The following DEFB134 variants were observed in gnomAD, a reference collection of about 807,000 sequenced individuals.
DEFB134 encodes the protein defensin beta 134.
In DEFB134, 7 loss-of-function variants were observed where a neutral mutation model predicts 7.4. That is an observed-to-expected ratio of 0.95 (90% CI 0.54 to 1.79). DEFB134 has a LOEUF of 1.79. DEFB134 is among the 40% of genes most tolerant of loss of function. The probability of loss-of-function intolerance (pLI) is 0.00; values close to 1 mark genes in which losing one functional copy is unlikely to be tolerated. For missense variants in DEFB134, 105 were observed against 74.8 expected, an observed-to-expected ratio of 1.40 and a Z score of -1.49; for synonymous variants, 33 against 25.0, an observed-to-expected ratio of 1.32 and a Z score of -0.96.
At chr8:11,996,140 G>A in intron 1 of DEFB134, 54 bp downstream of exon 2, 2 of 1,598,006 alleles carry the variant, frequency 1.3e-6, no homozygotes. Flanking sequence ...GTTGTTTAGT[G>A]GCATTGTTCT....
chr8:11,994,771 G>A (rs1800072935), intron 1 of DEFB134, among the ~76,000 whole-genome samples: 1 of 152,062 alleles, frequency 6.6e-6, no homozygotes, highest in Non-Finnish European at 1.5e-5. Flanking sequence ...GTGAATCAAG[G>A]ACTGTTGGGG....
exon 2 of DEFB134, chr8:11,993,259 C>T (rs1479244619): frequency 6.6e-6 from 1 of 152,218 alleles, no homozygotes; most frequent in Admixed American, 6.5e-5. Flanking sequence ...AACACCCATC[C>T]AGAGGAGTCA....
chr8:11,995,256 A>T (rs886790401), intron 1 of DEFB134, among the ~76,000 whole-genome samples: 2 of 152,212 alleles, frequency 1.3e-5, no homozygotes, highest in Non-Finnish European at 2.9e-5. Flanking sequence ...CCACAAATCC[A>T]TTGCCATAAA....
upstream of DEFB134, chr8:11,999,207 G>A (rs79366854): frequency 3.5e-4 from 71 of 203,446 alleles, no homozygotes; most frequent in Admixed American, 7.1e-4. Context: ...CAGTGAGGGC[G>A]TGGGTTCATG....
chr8:11,998,747 CA>C (rs1244431835), upstream of DEFB134, among the ~76,000 whole-genome samples: 4 of 151,868 alleles, frequency 2.6e-5, no homozygotes, highest in Non-Finnish European at 5.9e-5. Flanking sequence ...TTAATGAAAC[CA>C]AAAGTTGGCT....
intron 1 of DEFB134, 31 bp downstream of exon 2, chr8:11,996,163 A>T (rs1482375386): frequency 4.3e-6 from 7 of 1,612,408 alleles, no homozygotes; most frequent in Non-Finnish European, 5.9e-6. Flanking sequence ...TATATGAAGC[A>T]CCCCTACCCC....
At chr8:11,999,699 G>A (rs889150471), upstream of DEFB134, among the ~76,000 whole-genome samples, 6 of 152,174 alleles carry the variant, frequency 3.9e-5, no homozygotes, top group East Asian at 1.9e-4. Context: ...GTCAGAGATC[G>A]TCTCTTGTTA....
At chr8:11,994,394 T>C (rs940871513) in intron 1 of DEFB134, among the ~76,000 whole-genome samples, 1 of 152,160 alleles carries the variant, frequency 6.6e-6, no homozygotes, top group Non-Finnish European at 1.5e-5. Context: ...GGAACCCTAA[T>C]CCAATAAGAT....
chr8:11,996,061 A>G, intron 1 of DEFB134, 133 bp downstream of exon 2: 1 of 1,097,746 alleles, frequency 9.1e-7, no homozygotes, highest in Non-Finnish European at 1.3e-6. Context: ...TCTTGCTGAC[A>G]TCAAAACTAG....
intron 1 of DEFB134, among the ~76,000 whole-genome samples, chr8:11,995,446 C>G (rs1800093394): frequency 6.6e-6 from 1 of 152,194 alleles, no homozygotes; most frequent in Non-Finnish European, 1.5e-5. Flanking sequence ...TTCAGTAACA[C>G]TGAGTGAAAA....
upstream of DEFB134, among the ~76,000 whole-genome samples, chr8:11,999,819 A>G (rs1201095818): frequency 6.6e-6 from 1 of 152,216 alleles, no homozygotes; most frequent in African/African-American, 2.4e-5. Context: ...GCATCATTTG[A>G]AAACAAGTAT....
At chr8:12,000,340 T>C (rs1176526408), upstream of DEFB134, among the ~76,000 whole-genome samples, 1 of 152,232 alleles carries the variant, frequency 6.6e-6, no homozygotes, top group Non-Finnish European at 1.5e-5. Flanking sequence ...TTTATCATTT[T>C]ACACCAGTAT....
At chr8:11,998,816 G>A (rs896907166), upstream of DEFB134, among the ~76,000 whole-genome samples, 14 of 151,864 alleles carry the variant, frequency 9.2e-5, no homozygotes, top group East Asian at 1.9e-4. Context: ...AAAAAAAGAA[G>A]ATCCAAAAAA....
At chr8:11,999,941 G>C (rs943689690), upstream of DEFB134, among the ~76,000 whole-genome samples, 1 of 152,202 alleles carries the variant, frequency 6.6e-6, no homozygotes, top group Non-Finnish European at 1.5e-5. Context: ...GCTAGGACTA[G>C]ATGGCTCTTT....
intron 1 of DEFB134, among the ~76,000 whole-genome samples, chr8:11,995,534 A>C (rs1160802464): frequency 1.3e-5 from 2 of 152,184 alleles, no homozygotes; most frequent in Non-Finnish European, 2.9e-5. Flanking sequence ...ACTCTCTGTC[A>C]TGTCTCCCTG....
chr8:11,997,844 C>T (rs147920001), upstream of DEFB134, among the ~76,000 whole-genome samples: 38 of 152,268 alleles, frequency 2.5e-4, no homozygotes, highest in Admixed American at 1.1e-3. Context: ...TATTGAGGAC[C>T]TAAACTCAAC....
chr8:11,997,454 A>C (rs566620015), upstream of DEFB134, among the ~76,000 whole-genome samples: 1 of 152,320 alleles, frequency 6.6e-6, no homozygotes, highest in East Asian at 1.9e-4. Context: ...AGGCTGGGCC[A>C]CAGCTGTATG....
upstream of DEFB134, among the ~76,000 whole-genome samples, chr8:11,997,700 G>A (rs913971536): frequency 3.3e-5 from 5 of 152,168 alleles, no homozygotes; most frequent in Non-Finnish European, 7.3e-5. Context: ...ACCCAATATT[G>A]GAGCACTGAG....
upstream of DEFB134, chr8:11,996,384 T>C (rs1245381014): frequency 4.3e-6 from 4 of 921,708 alleles, no homozygotes; most frequent in Non-Finnish European, 6.7e-6. Flanking sequence ...CAGGTAGATA[T>C]GCTACACTGA....
Sources: allele counts gnomAD v4.1 joint callset (sites outside exome capture counted in the v4.1 genomes callset), GRCh38; gene constraint gnomAD v4.1.1; transcripts MANE v1.5; gene names NCBI Gene and HGNC (gene_info 2026-07-23, HGNC 2026-07-21).